Variants in DPP10 observed in about 807,000 individuals in gnomAD.
The protein encoded by DPP10 is inactive dipeptidyl peptidase 10.
In DPP10, 33 loss-of-function variants were observed where a neutral mutation model predicts 120.9. That is an observed-to-expected ratio of 0.27 (90% CI 0.21 to 0.37). The LOEUF is 0.37. Among genes scored for constraint, DPP10 ranks in the 10% least tolerant of loss-of-function variants. The pLI is 1.00. For missense variants in DPP10, 816 were observed against 942.8 expected (o/e 0.87, Z 1.76); for synonymous variants, 337 against 326.1 (o/e 1.03, Z -0.36).
intron 1 of DPP10, among the ~76,000 whole-genome samples, chr2:114,567,698 C>T (rs539884117): frequency 1.6e-4 from 25 of 152,106 alleles, no homozygotes; most frequent in Non-Finnish European, 2.8e-4. Flanking sequence ...TCAATATGCC[C>T]ATGAAAGTTA....
At chr2:115,661,326 T>A (rs747343206) in intron 5 of DPP10, among the ~76,000 whole-genome samples, 4 of 152,230 alleles carry the variant, frequency 2.6e-5, no homozygotes, top group Non-Finnish European at 5.9e-5. Context: ...CTATAGTTCC[T>A]GTATTTCTAA....
intron 1 of DPP10, among the ~76,000 whole-genome samples, chr2:114,507,944 C>T (rs945570571): frequency 3.3e-5 from 5 of 152,148 alleles, no homozygotes; most frequent in African/African-American, 9.7e-5. Context: ...TGCTGACTCA[C>T]CTGAAAAAAT....
intron 4 of DPP10, among the ~76,000 whole-genome samples, chr2:115,511,054 T>G (rs1476836217): frequency 9.9e-5 from 15 of 152,170 alleles, no homozygotes. Context: ...GTTATCAGTC[T>G]GTAGCTTTTT....
intron 1 of DPP10, among the ~76,000 whole-genome samples, chr2:114,450,168 C>T (rs1056010452): frequency 2.0e-5 from 3 of 152,022 alleles, no homozygotes; most frequent in Non-Finnish European, 4.4e-5. Flanking sequence ...CTTGATACTT[C>T]CTTTGCCTCA....
intron 1 of DPP10, among the ~76,000 whole-genome samples, chr2:114,929,417 C>T (rs1465508512): frequency 6.6e-6 from 1 of 152,186 alleles, no homozygotes; most frequent in Non-Finnish European, 1.5e-5. Context: ...TATTTCATCC[C>T]TTGTCTTCAA....
At chr2:115,571,700 T>TC (rs2081346176) in intron 5 of DPP10, among the ~76,000 whole-genome samples, 1 of 57,520 alleles carries the variant, frequency 1.7e-5, no homozygotes, top group African/African-American at 6.3e-5. Flanking sequence ...TTCCTTTTTT[T>TC]TTTTTTCTGA....
chr2:115,739,919 G>A, intron 9 of DPP10, 26 bp downstream of exon 9: 1 of 1,609,882 alleles, frequency 6.2e-7, no homozygotes, highest in East Asian at 2.2e-5. Flanking sequence ...GTACTATTTT[G>A]TTCCTTCTCT....
At chr2:115,347,670 C>A (rs2063776928) in intron 3 of DPP10, among the ~76,000 whole-genome samples, 1 of 151,902 alleles carries the variant, frequency 6.6e-6, no homozygotes, top group South Asian at 2.1e-4. Flanking sequence ...GTGTGATATT[C>A]CCCTCCCTGT....
At position 114,834,883 on chromosome 2, in the gene DPP10, A is replaced by C. The variant is rs188334795; in HGVS notation, c.60+392045A>C. Among the ~76,000 whole-genome samples the C allele has an allele frequency of 4.2e-3, 429 of 103,340 alleles. 11 individuals carry two copies. Among genetic ancestry groups the C allele is most frequent in the Middle Eastern group, 0.016 (2 of 128 alleles). The allele number at this position is 103,340 out of a possible 152,430, so 67.8% of individuals were successfully genotyped here. On this transcript the variant is annotated intron_variant, in intron 1 of 25. Coordinates refer to ENST00000410059, the MANE Select transcript of DPP10 (RefSeq NM_020868.6). ...TGTATATAAAAGACATATCTACACAACTATGTATATATAAGCCATATCTAC... is the reference window on the plus strand; with the variant it reads ...TGTATATAAAAGACATATCTACACACCTATGTATATATAAGCCATATCTAC...
At chr2:115,380,318 G>C (rs909128771) in intron 3 of DPP10, among the ~76,000 whole-genome samples, 6 of 152,058 alleles carry the variant, frequency 3.9e-5, no homozygotes, top group African/African-American at 9.7e-5. Context: ...GGCCTTCTTT[G>C]TCTCTTTTGA....
chr2:114,897,022 A>G (rs912890647), intron 1 of DPP10, among the ~76,000 whole-genome samples: 2 of 152,170 alleles, frequency 1.3e-5, no homozygotes, highest in Non-Finnish European at 2.9e-5. Context: ...GGCTCTGTTT[A>G]TATGCTGGAT....
At chr2:115,293,599 A>G (rs186381648) in intron 1 of DPP10, among the ~76,000 whole-genome samples, 2 of 152,228 alleles carry the variant, frequency 1.3e-5, no homozygotes, top group East Asian at 3.9e-4. Context: ...AAAGGGAAGA[A>G]TAAAAGAAAT....
chr2:114,463,748 TGTGG>T (rs1341862747), intron 1 of DPP10, among the ~76,000 whole-genome samples: 1 of 152,194 alleles, frequency 6.6e-6, no homozygotes, highest in East Asian at 1.9e-4. Context: ...TATGGTACTG[TGTGG>T]AATACTCTCG....
At chr2:115,490,597 G>T (rs974690450) in intron 3 of DPP10, among the ~76,000 whole-genome samples, 1 of 152,060 alleles carries the variant, frequency 6.6e-6, no homozygotes, top group East Asian at 1.9e-4. Flanking sequence ...TGTTCCCTGG[G>T]CCATGGTCAC....
chr2:114,708,929 AT>A (rs1463028331), intron 1 of DPP10, among the ~76,000 whole-genome samples: 5 of 151,834 alleles, frequency 3.3e-5, no homozygotes, highest in African/African-American at 1.2e-4. Flanking sequence ...CTAATTTTGT[AT>A]TTTTTAGTAG....
intron 1 of DPP10, among the ~76,000 whole-genome samples, chr2:114,625,538 C>T (rs575921431): frequency 6.6e-6 from 1 of 152,054 alleles, no homozygotes; most frequent in Admixed American, 6.6e-5. Flanking sequence ...CAGAAATCTT[C>T]CCTTATCAGC....
intron 3 of DPP10, among the ~76,000 whole-genome samples, chr2:115,447,098 C>T (rs146558582): frequency 6.6e-6 from 1 of 152,216 alleles, no homozygotes; most frequent in Non-Finnish European, 1.5e-5. Flanking sequence ...TGCCCAAGGC[C>T]ATGTGAATAC....
At position 114,910,553 on chromosome 2, in the gene DPP10, T is replaced by C. The variant is rs142145602; in HGVS notation, c.61-398686T>C. Reference sequence around the variant, plus strand: ...TCTCATTTCTAATCTAATAATATTTTTACTACATTCTGATTTCTATTTACT... The same window carrying C: ...TCTCATTTCTAATCTAATAATATTTCTACTACATTCTGATTTCTATTTACT... On this transcript the variant is annotated intron_variant, in intron 1 of 25. Transcript: ENST00000410059. 6.7e-3 allele frequency among the ~76,000 whole-genome samples: 1,013 copies of C among 152,218 alleles called. 15 individuals carry two copies. Among genetic ancestry groups the C allele is most frequent in the African/African-American group, 0.023 (971 of 41,558 alleles).
chr2:115,520,107 A>G (rs1163044080), intron 4 of DPP10, among the ~76,000 whole-genome samples: 1 of 152,142 alleles, frequency 6.6e-6, no homozygotes, highest in African/African-American at 2.4e-5. Context: ...TCATGAGGTC[A>G]GGAGTTTGAG....
Sources: gnomAD v4.1 joint callset for allele counts (sites outside exome capture counted in the v4.1 genomes callset) on GRCh38, gnomAD v4.1.1 for gene constraint, MANE v1.5 for transcripts, NCBI Gene and HGNC (gene_info 2026-07-23, HGNC 2026-07-21) for gene names.